The following FARSB variants were observed in gnomAD, a reference collection of about 807,000 sequenced individuals.
The protein encoded by FARSB is phenylalanyl-tRNA synthetase subunit beta, also known as phenylalanine--tRNA ligase beta subunit.
Under a neutral mutation model 69.6 loss-of-function variants are expected in FARSB, and 40 were observed. The observed-to-expected ratio is 0.57, with a 90% CI of 0.45 to 0.75. The LOEUF is 0.75. Ranked by LOEUF, FARSB falls within the 30% of genes least tolerant of loss-of-function variation. The pLI, the probability that FARSB is intolerant of heterozygous loss-of-function variation, is 0.00. For synonymous variants in FARSB, 235 were observed against 247.2 expected (o/e 0.95, Z 0.46); for missense variants, 632 against 722.9 (o/e 0.87, Z 1.44).
intron 15 of FARSB, among the ~76,000 whole-genome samples, chr2:222,603,713 A>G (rs982763633): frequency 3.4e-5 from 5 of 147,550 alleles, no homozygotes; most frequent in Non-Finnish European, 7.5e-5. Context: ...AGATAATAAT[A>G]ATAAATATAA....
At chr2:222,640,815 T>G (rs753374265) in intron 4 of FARSB, 47 bp downstream of exon 4, 2 of 1,030,952 alleles carry the variant, frequency 1.9e-6, no homozygotes, top group East Asian at 2.5e-5. Context: ...TACAGACATG[T>G]ACAAAAGAAA....
chr2:222,632,415 C>G (rs1691455682), intron 7 of FARSB, among the ~76,000 whole-genome samples: 1 of 152,162 alleles, frequency 6.6e-6, no homozygotes, highest in African/African-American at 2.4e-5. Flanking sequence ...GGGTCTAGAA[C>G]TGGTTAACTC....
At position 222,645,837 on chromosome 2, in the gene FARSB, G is replaced by A. The variant is rs35460602; in HGVS notation, c.115-2832C>T. Among the ~76,000 whole-genome samples the A allele has an allele frequency of 2.0e-3, 303 of 152,010 alleles. 1 individual carries two copies. Among genetic ancestry groups the A allele is most frequent in the Middle Eastern group, 3.4e-3 (1 of 294 alleles). On this transcript the variant is annotated intron_variant, in intron 2 of 16. Coordinates refer to ENST00000281828, the MANE Select transcript of FARSB (RefSeq NM_005687.5). ...GAGATAAAAAATATTGTTTTTTTAT[G>A]AGAAAAACTGGACAAAATACAGAAT...
intron 16 of FARSB, among the ~76,000 whole-genome samples, chr2:222,584,433 C>T (rs930731312): frequency 1.3e-5 from 2 of 152,114 alleles, no homozygotes; most frequent in Admixed American, 6.5e-5. Flanking sequence ...GTGAGCAATG[C>T]AGAAGACAGG....
chr2:222,650,825 C>T (rs1424729965), intron 1 of FARSB, among the ~76,000 whole-genome samples: 3 of 152,154 alleles, frequency 2.0e-5, no homozygotes, highest in African/African-American at 2.4e-5. Context: ...GCCAGAACCA[C>T]CTTCCTAAGC....
chr2:222,594,468 C>A (rs148737706), intron 16 of FARSB, among the ~76,000 whole-genome samples: 8 of 151,990 alleles, frequency 5.3e-5, no homozygotes, highest in African/African-American at 1.7e-4. Flanking sequence ...ATTGATAACC[C>A]TGCATCGAAA....
In FARSB at chr2:222,620,072, TTCCTA is replaced by T. The variant is rs1691101120; in HGVS notation, c.1252-340_1252-336del. ...GATGGTATAAACTGTACTCGGGCCC[TTCCTA>T]AGCTAGTTTCCCATTTACCTTTCCA... On this transcript the variant is annotated intron_variant, in intron 13 of 16. Transcript: ENST00000281828. Among the ~76,000 whole-genome samples the T allele has an allele frequency of 4.6e-5, 7 of 152,232 alleles. No homozygotes were observed. In the South Asian group the frequency reaches 1.2e-3, roughly 27 times the overall value.
intron 5 of FARSB, among the ~76,000 whole-genome samples, chr2:222,637,407 T>A (rs1047029703): frequency 1.3e-5 from 2 of 152,016 alleles, no homozygotes; most frequent in Non-Finnish European, 2.9e-5. Flanking sequence ...GAGAGAGAAC[T>A]CTGAAGATAT....
intron 15 of FARSB, among the ~76,000 whole-genome samples, chr2:222,613,222 A>T (rs1416214727): frequency 6.6e-6 from 1 of 152,258 alleles, no homozygotes; most frequent in Admixed American, 6.5e-5. Context: ...TTAAATTTAT[A>T]AAACAAAACT....
rs781692359 is a variant in FARSB, at chr2:222,624,317, G to C, written c.1125C>G (p.Asn375Lys). The change falls in exon 12 of 17, where the codon AAC (asparagine) becomes AAG (lysine). Residue 375 changes from asparagine to lysine, a missense_variant. By Grantham distance (94) the Asn-to-Lys change is moderately conservative. Coordinates refer to ENST00000281828, the MANE Select transcript of FARSB (RefSeq NM_005687.5). Reference protein sequence around the residue: ...VEDAAIAYGYNNIQMTLPKTY... With the variant: ...VEDAAIAYGYKNIQMTLPKTY... The stretch of plus-strand genomic sequence containing the variant: ...TTTTCGGGAGAGTCATCTGAATGTT[G>C]TTATATCCATAAGCAATAGCTGCAT... The C allele has an allele frequency of 4.3e-6, 7 of 1,612,606 alleles. No homozygotes were observed. The highest frequency in any genetic ancestry group is 5.9e-6 in the Non-Finnish European group (7 of 1,179,162).
intron 16 of FARSB, among the ~76,000 whole-genome samples, chr2:222,589,301 G>A (rs1412097395): frequency 1.3e-5 from 2 of 152,150 alleles, no homozygotes; most frequent in African/African-American, 4.8e-5. Flanking sequence ...GGGAAAACTG[G>A]CTAGCCATAT....
chr2:222,631,350 G>A (rs1691418692), intron 8 of FARSB, among the ~76,000 whole-genome samples: 1 of 152,138 alleles, frequency 6.6e-6, no homozygotes, highest in Non-Finnish European at 1.5e-5. Flanking sequence ...GTTCTTTGAA[G>A]TGAAGAGACA....
chr2:222,583,414 G>A (rs945609775), intron 16 of FARSB, among the ~76,000 whole-genome samples: 8 of 152,138 alleles, frequency 5.3e-5, no homozygotes, highest in East Asian at 1.9e-4. Context: ...TGAAAATTGC[G>A]TGCCACTTCA....
At chr2:222,591,749 C>T (rs1690281087) in intron 16 of FARSB, among the ~76,000 whole-genome samples, 1 of 152,140 alleles carries the variant, frequency 6.6e-6, no homozygotes, top group South Asian at 2.1e-4. Context: ...AAAGCCAGTC[C>T]TCTAAAACAT....
chr2:222,636,923 C>T (rs575402814), intron 5 of FARSB, among the ~76,000 whole-genome samples: 223 of 152,284 alleles, frequency 1.5e-3, no homozygotes, highest in African/African-American at 4.4e-3. Context: ...TAGAAACCAA[C>T]GCTAAGATGC....
intron 7 of FARSB, among the ~76,000 whole-genome samples, chr2:222,632,043 T>C (rs762116378): frequency 6.6e-6 from 1 of 152,052 alleles, no homozygotes; most frequent in Non-Finnish European, 1.5e-5. Context: ...TGGCACGACA[T>C]GGTGCAATGG....
intron 3 of FARSB, among the ~76,000 whole-genome samples, chr2:222,642,111 G>A (rs1691735139): frequency 6.6e-6 from 1 of 151,014 alleles, no homozygotes; most frequent in African/African-American, 2.4e-5. Context: ...AAACGATTCT[G>A]TGCCTCAGCC....
intron 1 of FARSB, among the ~76,000 whole-genome samples, chr2:222,655,385 T>A (rs371494612): frequency 6.6e-6 from 1 of 152,194 alleles, no homozygotes; most frequent in Non-Finnish European, 1.5e-5. Flanking sequence ...GTTACCACCC[T>A]ATCTAAAGTT....
intron 1 of FARSB, among the ~76,000 whole-genome samples, chr2:222,654,382 G>A (rs181014966): frequency 3.3e-5 from 5 of 152,256 alleles, no homozygotes; most frequent in Admixed American, 2.6e-4. Context: ...TGCATATAAG[G>A]TATATGTGAA....
Sources: allele counts gnomAD v4.1 joint callset (sites outside exome capture counted in the v4.1 genomes callset), GRCh38; gene constraint gnomAD v4.1.1; transcripts MANE v1.5; gene names NCBI Gene and HGNC (gene_info 2026-07-23, HGNC 2026-07-21).